The following HS2ST1 variants were observed in gnomAD, a reference collection of about 807,000 sequenced individuals.
The protein encoded by HS2ST1 is 2-O-sulfotransferase.
A neutral mutation model predicts 42.9 loss-of-function variants in HS2ST1; 18 were observed. That is an observed-to-expected ratio of 0.42 (90% CI 0.29 to 0.62). HS2ST1 has a LOEUF of 0.62. HS2ST1 is among the 20% of genes least tolerant of loss of function. The pLI is 0.21. For missense variants in HS2ST1, 334 were observed against 433.8 expected (o/e 0.77, Z 2.04); for synonymous variants, 146 against 152.9 (o/e 0.95, Z 0.33).
intron 1 of HS2ST1, among the ~76,000 whole-genome samples, chr1:87,061,693 G>A (rs879513717): frequency 1.3e-5 from 2 of 152,002 alleles, no homozygotes; most frequent in Non-Finnish European, 2.9e-5. Context: ...GTGAGTTAGT[G>A]CTTTAAACAT....
At position 86,952,019 on chromosome 1, in the gene HS2ST1, G is replaced by A. The variant is rs997790739; in HGVS notation, c.124+36859G>A. ...TGTTGCTAATCCCAGCACGTGTAGTGACTTCCTCCATTGGAGTCTTGAACC... is the reference window on the plus strand; with the variant it reads ...TGTTGCTAATCCCAGCACGTGTAGTAACTTCCTCCATTGGAGTCTTGAACC... On this transcript the variant is annotated intron_variant, in intron 1 of 6. Coordinates refer to ENST00000370550, the MANE Select transcript of HS2ST1 (RefSeq NM_012262.4). 1.2e-4 allele frequency among the ~76,000 whole-genome samples: 19 copies of A among 152,134 alleles called. 1 individual carries two copies. The highest frequency in any genetic ancestry group is 1.2e-3 in the Admixed American group (18 of 15,270).
At position 87,104,543 on chromosome 1, in the gene HS2ST1, A is replaced by G. The variant is rs751381831; in HGVS notation, c.918A>G (p.Gln306=). The G allele has an allele frequency of 6.2e-7, 1 of 1,613,648 alleles. No homozygotes were observed. Among genetic ancestry groups the G allele is most frequent in the Non-Finnish European group, 8.5e-7 (1 of 1,179,574 alleles). The change falls in exon 7 of 7, where the codon CAA becomes CAG. Residue 306 remains glutamine (Q), a synonymous_variant. Transcript: ENST00000370550. ...AACAAACCATTGCAAAACTACAGCA[A>G]TCTGATATTTGGAAAATGGAGAATG... ...PTKQTIAKLQ[Q]SDIWKMENEF... is the part of the protein sequence containing the mutation.
At chr1:86,936,386 A>G (rs1362535480) in intron 1 of HS2ST1, among the ~76,000 whole-genome samples, 1 of 152,216 alleles carries the variant, frequency 6.6e-6, no homozygotes, top group Non-Finnish European at 1.5e-5. Flanking sequence ...ATTTTTGTAT[A>G]ATAGTCCTCG....
chr1:87,045,193 C>G (rs976944995), intron 1 of HS2ST1: 2 of 934,242 alleles, frequency 2.1e-6, no homozygotes, highest in Non-Finnish European at 3.6e-6. Flanking sequence ...TTTGGCCCCA[C>G]TTTTTCTGGG....
intron 1 of HS2ST1, among the ~76,000 whole-genome samples, chr1:86,943,856 T>C (rs1227006731): frequency 6.6e-6 from 1 of 152,034 alleles, no homozygotes; most frequent in African/African-American, 2.4e-5. Context: ...TGAAACCCCA[T>C]CTCTACTAAA....
At chr1:86,959,872 C>T (rs182395550) in intron 1 of HS2ST1, among the ~76,000 whole-genome samples, 5 of 152,264 alleles carry the variant, frequency 3.3e-5, no homozygotes, top group East Asian at 1.9e-4. Flanking sequence ...TTCTTCCCAA[C>T]GTGATCTATA....
chr1:86,985,286 T>G (rs1298367754), intron 1 of HS2ST1, among the ~76,000 whole-genome samples: 1 of 140,802 alleles, frequency 7.1e-6, no homozygotes, highest in African/African-American at 2.7e-5. Context: ...ACCCAGGAGG[T>G]GGAGCTTGCA....
intron 1 of HS2ST1, among the ~76,000 whole-genome samples, chr1:86,971,302 A>C (rs528311860): frequency 6.6e-6 from 1 of 152,160 alleles, no homozygotes; most frequent in East Asian, 1.9e-4. Context: ...ACAAAACAAA[A>C]CAAAACAAAA....
At chr1:86,920,377 G>A (rs1398333949) in intron 1 of HS2ST1, among the ~76,000 whole-genome samples, 1 of 152,192 alleles carries the variant, frequency 6.6e-6, no homozygotes, top group African/African-American at 2.4e-5. Context: ...AGCAATACCT[G>A]TAAGATGTTC....
chr1:86,977,050 A>C (rs541504877), intron 1 of HS2ST1, among the ~76,000 whole-genome samples: 8 of 152,206 alleles, frequency 5.3e-5, no homozygotes, highest in Non-Finnish European at 8.8e-5. Context: ...ACCTTGTCTC[A>C]AAAAACAAAA....
At chr1:87,022,518 T>A (rs1185206350) in intron 1 of HS2ST1, among the ~76,000 whole-genome samples, 1 of 152,136 alleles carries the variant, frequency 6.6e-6, no homozygotes, top group Non-Finnish European at 1.5e-5. Flanking sequence ...TGTGGCACAG[T>A]TTTTAAAATA....
intron 1 of HS2ST1, among the ~76,000 whole-genome samples, chr1:87,007,189 A>G (rs1367561791): frequency 1.3e-5 from 2 of 152,092 alleles, no homozygotes; most frequent in Non-Finnish European, 2.9e-5. Flanking sequence ...TTATCAGTTT[A>G]TGATACTACT....
chr1:86,978,413 A>G (rs748654359), intron 1 of HS2ST1, among the ~76,000 whole-genome samples: 2 of 152,208 alleles, frequency 1.3e-5, no homozygotes, highest in Non-Finnish European at 2.9e-5. Flanking sequence ...GGTAAGTTTT[A>G]CTCAAAAAGG....
intron 1 of HS2ST1, among the ~76,000 whole-genome samples, chr1:87,044,023 A>G (rs1377159226): frequency 6.6e-6 from 1 of 152,090 alleles, no homozygotes; most frequent in East Asian, 1.9e-4. Flanking sequence ...ATCTTTGATA[A>G]TCTATATTCA....
intron 1 of HS2ST1, among the ~76,000 whole-genome samples, chr1:87,034,062 T>G (rs1055969008): frequency 1.5e-4 from 23 of 152,190 alleles, no homozygotes; most frequent in African/African-American, 5.5e-4. Context: ...TTATTAATTT[T>G]TAAATATAAA....
intron 1 of HS2ST1, among the ~76,000 whole-genome samples, chr1:87,004,475 TC>T (rs1405175327): frequency 6.6e-6 from 1 of 152,212 alleles, no homozygotes; most frequent in African/African-American, 2.4e-5. Flanking sequence ...TCTATTTTTT[TC>T]CTTACCCTTT....
intron 1 of HS2ST1, among the ~76,000 whole-genome samples, chr1:86,981,148 C>G (rs1187638444): frequency 1.3e-5 from 2 of 152,158 alleles, no homozygotes; most frequent in Non-Finnish European, 2.9e-5. Context: ...TGAGAACTCA[C>G]TATCACGAGA....
chr1:86,984,977 T>C (rs1234927658), intron 1 of HS2ST1, among the ~76,000 whole-genome samples: 24 of 151,606 alleles, frequency 1.6e-4, no homozygotes, highest in Admixed American at 1.6e-3. Flanking sequence ...AGAAGAATTA[T>C]TCATTAAAAA....
intron 1 of HS2ST1, among the ~76,000 whole-genome samples, chr1:87,011,629 A>G (rs1649600273): frequency 6.6e-6 from 1 of 152,218 alleles, no homozygotes; most frequent in African/African-American, 2.4e-5. Flanking sequence ...ACTCATCAAT[A>G]ATAGAATTAG....
Sources: allele counts gnomAD v4.1 joint callset (sites outside exome capture counted in the v4.1 genomes callset), GRCh38; gene constraint gnomAD v4.1.1; transcripts MANE v1.5; gene names NCBI Gene and HGNC (gene_info 2026-07-23, HGNC 2026-07-21).